Variants in PAK1IP1 observed in about 807,000 individuals in gnomAD.
The protein encoded by PAK1IP1 is PAK1 interacting protein 1.
PAK1IP1 carries 24 observed loss-of-function variants against 42.0 expected under a neutral mutation model. The ratio of observed to expected loss-of-function variants is 0.57; its 90% confidence interval spans 0.41 to 0.80. PAK1IP1 has a LOEUF of 0.80. Ranked by LOEUF, PAK1IP1 falls within the 30% of genes least tolerant of loss-of-function variation. PAK1IP1 has a pLI of 0.00. For synonymous variants in PAK1IP1, 154 were observed against 156.7 expected (o/e 0.98, Z 0.13); for missense variants, 411 against 467.9 (o/e 0.88, Z 1.12).
chr6:10,701,983 C>T lies in PAK1IP1; in HGVS notation c.248-386C>T, dbSNP rs140359839. Among the ~76,000 whole-genome samples, 472 of 152,168 alleles carry T rather than the reference C, an allele frequency of 3.1e-3. 2 individuals are homozygous for T. Among genetic ancestry groups the T allele is most frequent in the African/African-American group, 5.5e-3 (228 of 41,514 alleles). The stretch of plus-strand genomic sequence containing the variant: ...GGCACAGTGGCTCACACCTGTAATC[C>T]CAGCACTTTGGGAGGCTGAGGTGGG... On this transcript the variant is annotated intron_variant, in intron 2 of 9. Transcript: ENST00000379568.
intron 7 of PAK1IP1, among the ~76,000 whole-genome samples, chr6:10,707,189 T>C (rs1383429423): frequency 1.3e-5 from 2 of 152,262 alleles, no homozygotes; most frequent in East Asian, 3.8e-4. Flanking sequence ...TCTTTTCAAC[T>C]TTTCCTTCAG....
chr6:10,703,728 A>G (rs1770112320), intron 5 of PAK1IP1, among the ~76,000 whole-genome samples: 1 of 152,222 alleles, frequency 6.6e-6, no homozygotes, highest in African/African-American at 2.4e-5. Context: ...TATCCTCGAG[A>G]TATTTCATTG....
upstream of PAK1IP1, among the ~76,000 whole-genome samples, chr6:10,693,849 C>A (rs1258319818): frequency 6.6e-6 from 1 of 152,214 alleles, no homozygotes; most frequent in Non-Finnish European, 1.5e-5. Context: ...CCACCTCAGC[C>A]TTCCGAGTTG....
chr6:10,697,912 C>A (rs919914096), intron 2 of PAK1IP1, among the ~76,000 whole-genome samples: 2 of 150,820 alleles, frequency 1.3e-5, no homozygotes, highest in Non-Finnish European at 3.0e-5. Context: ...AAAAAGGTTT[C>A]TTGCTCTGGG....
At chr6:10,707,057 G>T (rs1317790112) in intron 7 of PAK1IP1, among the ~76,000 whole-genome samples, 1 of 152,322 alleles carries the variant, frequency 6.6e-6, no homozygotes, top group East Asian at 1.9e-4. Context: ...GAGAGGCCTG[G>T]ATTCATCGTT....
chr6:10,694,630 C>CAAAAAA, upstream of PAK1IP1: 1 of 199,042 alleles, frequency 5.0e-6, no homozygotes, highest in South Asian at 8.1e-5. Flanking sequence ...CCCACCTCCT[C>CAAAAAA]CTGATGTCAC....
intron 7 of PAK1IP1, among the ~76,000 whole-genome samples, 196 bp downstream of exon 7, chr6:10,705,040 G>A (rs1770157679): frequency 6.6e-6 from 1 of 152,146 alleles, no homozygotes; most frequent in South Asian, 2.1e-4. Flanking sequence ...TAATGCAAAA[G>A]TGGGCCGGGA....
At chr6:10,706,700 T>C (rs1770212457) in intron 7 of PAK1IP1, among the ~76,000 whole-genome samples, 1 of 151,848 alleles carries the variant, frequency 6.6e-6, no homozygotes, top group African/African-American at 2.4e-5. Flanking sequence ...CTGACCAACA[T>C]GGTGAAACCC....
At chr6:10,708,006 T>C (rs1391450356) in intron 8 of PAK1IP1, among the ~76,000 whole-genome samples, 1 of 151,990 alleles carries the variant, frequency 6.6e-6, no homozygotes. Context: ...TGTTCAGCCC[T>C]GGAAATAAGA....
chr6:10,707,745 A>G (rs1770251095), intron 8 of PAK1IP1, among the ~76,000 whole-genome samples: 1 of 152,236 alleles, frequency 6.6e-6, no homozygotes, highest in African/African-American at 2.4e-5. Flanking sequence ...CTTTTTAGTC[A>G]GAGAAGCTCT....
upstream of PAK1IP1, among the ~76,000 whole-genome samples, chr6:10,691,286 C>T (rs568443938): frequency 7.2e-5 from 11 of 152,270 alleles, no homozygotes; most frequent in South Asian, 2.3e-3. Flanking sequence ...GGATCTTCGG[C>T]AAGACTCACG....
intron 5 of PAK1IP1, among the ~76,000 whole-genome samples, chr6:10,704,072 GA>G (rs1561893502): frequency 6.6e-6 from 1 of 151,698 alleles, no homozygotes; most frequent in Non-Finnish European, 1.5e-5. Context: ...ACCCAGGCTG[GA>G]GTGCAGTGGC....
rs1344486889 is a variant in PAK1IP1, at chr6:10,708,934, GT to G, written c.841-16del. 2 of 1,576,278 alleles carry G rather than the reference GT, an allele frequency of 1.3e-6. No individual in the cohort carries two copies. The highest frequency in any genetic ancestry group is 1.2e-5 in the South Asian group (1 of 85,532). ...ATTATTGAAAATGCACATTATGAAT[GT>G]TTGTTTCTTCTGTTTAGAAAGTTCC... is the stretch of plus-strand genomic sequence containing the variant. On this transcript the variant is annotated intron_variant, in intron 8 of 9. Coordinates refer to ENST00000379568, the MANE Select transcript of PAK1IP1 (RefSeq NM_017906.3).
At chr6:10,698,720 A>G (rs973337245) in intron 2 of PAK1IP1, among the ~76,000 whole-genome samples, 4 of 152,184 alleles carry the variant, frequency 2.6e-5, no homozygotes, top group African/African-American at 9.6e-5. Flanking sequence ...GGCCTGCCCC[A>G]TTGGAATTGG....
Position 10,702,566 on chromosome 6 carries a change from G to A in PAK1IP1, c.370G>A (p.Gly124Arg), listed in dbSNP as rs62621438. The A allele has an allele frequency of 0.013, 21,476 of 1,613,932 alleles. 320 individuals are homozygous for A. The highest frequency in any genetic ancestry group is 0.069 in the Admixed American group (4,161 of 60,016). ...GACTAACTTTTGGTTTCATTATAGA[G>A]GACAGGTGACCTTCCTTTCTATTCA... ...ECLKSIKAHKGQVTFLSIHPS... is the reference protein window; with the variant it reads ...ECLKSIKAHKRQVTFLSIHPS... Residue 124 changes from glycine to arginine, a missense_variant and splice_region_variant, in exon 4 of 10, where the codon GGA becomes AGA. By Grantham distance (125) the Gly-to-Arg change is moderately radical (BLOSUM62 -2). Transcript: ENST00000379568.
At chr6:10,705,095 C>T (rs564779159) in intron 7 of PAK1IP1, among the ~76,000 whole-genome samples, 23 of 152,180 alleles carry the variant, frequency 1.5e-4, no homozygotes, top group East Asian at 3.9e-4. Flanking sequence ...GAGGCTGAGG[C>T]GGGCGGATCA....
At chr6:10,697,635 C>A in intron 2 of PAK1IP1, 149 bp downstream of exon 2, 1 of 621,018 alleles carries the variant, frequency 1.6e-6, no homozygotes, top group Non-Finnish European at 2.7e-6. Context: ...TAGCCTGGCA[C>A]AATGGCTCAC....
At chr6:10,691,666 C>T (rs1235022440), upstream of PAK1IP1, among the ~76,000 whole-genome samples, 1 of 152,010 alleles carries the variant, frequency 6.6e-6, no homozygotes, top group Non-Finnish European at 1.5e-5. Flanking sequence ...CCCTTAAAAT[C>T]CTAATGCTCT....
intron 7 of PAK1IP1, among the ~76,000 whole-genome samples, chr6:10,706,739 C>G (rs1471797033): frequency 6.6e-6 from 1 of 151,752 alleles, no homozygotes; most frequent in Non-Finnish European, 1.5e-5. Flanking sequence ...AAAAATTAGC[C>G]AGGTATGGTG....
Sources: gnomAD v4.1 joint callset for allele counts (sites outside exome capture counted in the v4.1 genomes callset) on GRCh38, gnomAD v4.1.1 for gene constraint, MANE v1.5 for transcripts, NCBI Gene and HGNC (gene_info 2026-07-23, HGNC 2026-07-21) for gene names.